NRXN3: variants seen among roughly 807,000 people sequenced by gnomAD.
NRXN3 encodes neurexin 3.
In NRXN3, 32 loss-of-function variants were observed where a neutral mutation model predicts 137.6. The observed-to-expected ratio is 0.23, with a 90% CI of 0.18 to 0.31. The LOEUF (loss-of-function observed/expected upper bound fraction) is 0.31, where lower values mean the gene tolerates loss of function less well. Among genes scored for constraint, NRXN3 ranks in the 10% least tolerant of loss-of-function variants. The pLI is 1.00. For synonymous variants in NRXN3, 798 were observed against 784.5 expected (o/e 1.02, Z -0.29); for missense variants, 1,574 against 2,062.5 (o/e 0.76, Z 4.59).
At chr14:79,308,844 CTTTTTTT>C (rs34580008) in intron 15 of NRXN3, among the ~76,000 whole-genome samples, 7 of 89,388 alleles carry the variant, frequency 7.8e-5, no homozygotes, top group African/African-American at 2.0e-4. Context: ...GGGAAGCATT[CTTTTTTT>C]TTTTTTTTTT....
intron 16 of NRXN3, among the ~76,000 whole-genome samples, chr14:79,486,833 G>A (rs559327367): frequency 3.3e-5 from 5 of 151,586 alleles, no homozygotes; most frequent in South Asian, 4.2e-4. Context: ...ATTTCCAATC[G>A]GTGGTCTTAA....
At chr14:78,254,673 A>G (rs1226166059) in intron 2 of NRXN3, among the ~76,000 whole-genome samples, 3 of 113,480 alleles carry the variant, frequency 2.6e-5, no homozygotes, top group African/African-American at 8.8e-5. Context: ...GTGAGACTCC[A>G]TCTCCAAAAA....
In NRXN3 at chr14:78,957,294, G is replaced by A; in HGVS notation, c.2328G>A (p.Trp776Ter). The A allele has an allele frequency of 1.2e-6, 2 of 1,614,126 alleles. No individual in the cohort carries two copies. The highest frequency in any genetic ancestry group is 1.7e-6 in the Non-Finnish European group (2 of 1,179,988). ...YAGQKLNDNEWHTVRVVRRGK... is the reference protein window; with the variant it reads ...YAGQKLNDNE Reference sequence around the variant, plus strand: ...GGCAGAAGCTCAATGACAACGAGTGGCACACCGTTCGGGTGGTGCGGAGAG... The same window carrying A: ...GGCAGAAGCTCAATGACAACGAGTGACACACCGTTCGGGTGGTGCGGAGAG... The change falls in exon 11 of 21, where the codon TGG becomes TGA. Residue 776 changes from tryptophan to a stop codon, truncating the protein, a stop_gained. Transcript: ENST00000335750. LOFTEE classifies it high-confidence loss of function.
intron 10 of NRXN3, among the ~76,000 whole-genome samples, chr14:78,815,744 G>A (rs1015096989): frequency 6.6e-6 from 1 of 152,070 alleles, no homozygotes; most frequent in African/African-American, 2.4e-5. Context: ...GAGCCAAATT[G>A]TTTAGCTCTT....
chr14:78,339,709 G>T lies in NRXN3; in HGVS notation c.757+41849G>T, dbSNP rs146902716. The stretch of plus-strand genomic sequence containing the variant: ...GACCCTTAAGATGAGTTCCTTGGAT[G>T]CTAGGATTCCAGATAGAAGTAAATA... On this transcript the variant is annotated intron_variant, in intron 4 of 20. Coordinates refer to ENST00000335750, the MANE Select transcript of NRXN3 (RefSeq NM_001330195.2). Among the ~76,000 whole-genome samples, 569 of 152,228 alleles carry T rather than the reference G, an allele frequency of 3.7e-3. 2 individuals carry two copies. The highest frequency in any genetic ancestry group is 5.7e-3 in the Non-Finnish European group (390 of 67,992).
intron 14 of NRXN3, among the ~76,000 whole-genome samples, chr14:78,971,320 A>G (rs1383729601): frequency 2.6e-5 from 4 of 152,268 alleles, no homozygotes; most frequent in African/African-American, 9.6e-5. Flanking sequence ...TTTCTTTTAC[A>G]TAGAACAGTA....
chr14:79,725,040 A>G (rs1191533172), intron 19 of NRXN3, among the ~76,000 whole-genome samples: 1 of 152,160 alleles, frequency 6.6e-6, no homozygotes, highest in Non-Finnish European at 1.5e-5. Context: ...AAGCCTGATT[A>G]CCTGTACTAC....
At chr14:78,393,353 G>A (rs924627236) in intron 4 of NRXN3, among the ~76,000 whole-genome samples, 1 of 151,932 alleles carries the variant, frequency 6.6e-6, no homozygotes. Context: ...GGTTATTGAC[G>A]CTGATATCAT....
intron 6 of NRXN3, among the ~76,000 whole-genome samples, chr14:78,668,812 A>G (rs2152705754): frequency 6.6e-6 from 1 of 152,336 alleles, no homozygotes; most frequent in East Asian, 1.9e-4. Flanking sequence ...AACTTTATTT[A>G]GAAGAGCAGG....
chr14:79,801,549 C>T (rs1366961228), intron 19 of NRXN3, among the ~76,000 whole-genome samples: 1 of 152,126 alleles, frequency 6.6e-6, no homozygotes, highest in African/African-American at 2.4e-5. Context: ...CGTGTGTGCA[C>T]GCACACACAC....
At chr14:79,117,284 A>G (rs1268631352) in intron 15 of NRXN3, among the ~76,000 whole-genome samples, 2 of 152,236 alleles carry the variant, frequency 1.3e-5, no homozygotes, top group Admixed American at 1.3e-4. Flanking sequence ...TATTGCTTTT[A>G]GCCTGTGATA....
At chr14:79,410,853 A>G (rs1387096996) in intron 15 of NRXN3, among the ~76,000 whole-genome samples, 2 of 152,104 alleles carry the variant, frequency 1.3e-5, no homozygotes, top group Non-Finnish European at 2.9e-5. Flanking sequence ...AGCTCGCCAC[A>G]AAATTTGATC....
At chr14:79,664,622 C>T (rs1161888889) in intron 17 of NRXN3, among the ~76,000 whole-genome samples, 1 of 152,120 alleles carries the variant, frequency 6.6e-6, no homozygotes, top group African/African-American at 2.4e-5. Context: ...GCAACAAATT[C>T]CCAGAGCCAG....
At chr14:79,730,281 C>T (rs2098917072) in intron 19 of NRXN3, among the ~76,000 whole-genome samples, 1 of 152,198 alleles carries the variant, frequency 6.6e-6, no homozygotes, top group African/African-American at 2.4e-5. Context: ...TTGCTTTAGA[C>T]TTTGGGCTGG....
At chr14:78,203,836 GTGGTTTGTGTGTGTGTGTGGTT>G (rs2061920614) in intron 1 of NRXN3, among the ~76,000 whole-genome samples, 1 of 78,208 alleles carries the variant, frequency 1.3e-5, no homozygotes, top group Admixed American at 1.3e-4. Flanking sequence ...GTGTGTGTGT[GTGGTTTGTGTGTGTGTGTGGTT>G]TGTGTGTGTG....
In NRXN3 at chr14:79,242,346, G is replaced by A. The variant is rs540937145; in HGVS notation, c.3263-224875G>A. Reference sequence around the variant, plus strand: ...AGCCAGATCTGAGGCCAAGCTAAGGGCAGAAAACAGGAGTCCTGGGCCACT... The same window carrying A: ...AGCCAGATCTGAGGCCAAGCTAAGGACAGAAAACAGGAGTCCTGGGCCACT... On this transcript the variant is annotated intron_variant, in intron 15 of 20. Coordinates refer to ENST00000335750, the MANE Select transcript of NRXN3 (RefSeq NM_001330195.2). Among the ~76,000 whole-genome samples, 3 of 152,254 alleles carry A rather than the reference G, an allele frequency of 2.0e-5. No homozygotes were observed. In the East Asian group the frequency reaches 5.8e-4, roughly 29 times the overall value.
chr14:79,362,528 T>C (rs1372621443), intron 15 of NRXN3, among the ~76,000 whole-genome samples: 2 of 152,270 alleles, frequency 1.3e-5, no homozygotes, highest in Non-Finnish European at 2.9e-5. Flanking sequence ...GGAAAAAAAC[T>C]GATTAGACAT....
intron 20 of NRXN3, among the ~76,000 whole-genome samples, chr14:79,819,333 A>G (rs2099263221): frequency 6.6e-6 from 1 of 152,136 alleles, no homozygotes; most frequent in East Asian, 1.9e-4. Flanking sequence ...ACCCCAATCT[A>G]GAGAAGTCCC....
intron 15 of NRXN3, among the ~76,000 whole-genome samples, chr14:79,392,895 A>G (rs2370975): frequency 0.7 from 103,812 of 148,792 alleles, 36,555 homozygotes; most frequent in Middle Eastern, 0.85. Context: ...GCTTGAACCC[A>G]AGAGGCAGAG....
Sources: allele counts gnomAD v4.1 joint callset (sites outside exome capture counted in the v4.1 genomes callset), GRCh38; gene constraint gnomAD v4.1.1; transcripts MANE v1.5; gene names NCBI Gene and HGNC (gene_info 2026-07-23, HGNC 2026-07-21).